SPECC1: variants seen among roughly 807,000 people sequenced by gnomAD.
SPECC1 encodes the protein sperm antigen with calponin homology and coiled-coil domains 1.
Under a neutral mutation model 104.1 loss-of-function variants are expected in SPECC1, and 62 were observed. The ratio of observed to expected loss-of-function variants is 0.60; its 90% CI spans 0.49 to 0.74. SPECC1 has a LOEUF of 0.74. SPECC1 is among the 30% of genes least tolerant of loss of function. The pLI is 0.00. For missense variants in SPECC1, 1,306 were observed against 1,310.5 expected, an observed-to-expected ratio of 1.00 and a Z score of 0.05; for synonymous variants, 513 against 501.6, an observed-to-expected ratio of 1.02 and a Z score of -0.30.
At chr17:20,103,389 AGGT>A (rs2048033213) in intron 2 of SPECC1, among the ~76,000 whole-genome samples, 2 of 152,124 alleles carry the variant, frequency 1.3e-5, no homozygotes, top group Non-Finnish European at 2.9e-5. Flanking sequence ...CCTCCTCTTT[AGGT>A]GGTTAACTCT....
At chr17:20,176,338 A>C (rs746346608) in intron 3 of SPECC1, among the ~76,000 whole-genome samples, 2 of 152,078 alleles carry the variant, frequency 1.3e-5, no homozygotes, top group Non-Finnish European at 2.9e-5. Context: ...CCTACTTTTC[A>C]GTCATTTTAC....
chr17:20,197,407 C>CAGAT (rs752041444), intron 3 of SPECC1, among the ~76,000 whole-genome samples: 17 of 152,130 alleles, frequency 1.1e-4, no homozygotes, highest in Non-Finnish European at 2.4e-4. Context: ...CAAGGTCACA[C>CAGAT]AGATATTAAA....
intron 3 of SPECC1, among the ~76,000 whole-genome samples, chr17:20,189,171 A>C (rs933076529): frequency 2.6e-5 from 4 of 152,184 alleles, no homozygotes; most frequent in African/African-American, 9.7e-5. Context: ...CTTTTAGTTC[A>C]CTAAAGCCTG....
intron 2 of SPECC1, among the ~76,000 whole-genome samples, chr17:20,106,209 A>G: frequency 6.6e-6 from 1 of 152,322 alleles, no homozygotes; most frequent in South Asian, 2.1e-4. Context: ...TTTGGGGACC[A>G]GGGAGGCACC....
intron 12 of SPECC1, among the ~76,000 whole-genome samples, chr17:20,286,878 G>A (rs189204370): frequency 1.3e-5 from 2 of 152,308 alleles, no homozygotes; most frequent in East Asian, 1.9e-4. Flanking sequence ...TCCCATCGCT[G>A]CTGCCTGCCT....
At chr17:20,154,696 A>G (rs1567881921) in intron 3 of SPECC1, among the ~76,000 whole-genome samples, 1 of 152,224 alleles carries the variant, frequency 6.6e-6, no homozygotes, top group African/African-American at 2.4e-5. Context: ...CTCTCACTGT[A>G]TGTGCAGAAT....
At chr17:20,192,183 G>A (rs761585305) in intron 3 of SPECC1, among the ~76,000 whole-genome samples, 2 of 152,054 alleles carry the variant, frequency 1.3e-5, no homozygotes, top group South Asian at 2.1e-4. Context: ...GCCCAGACTG[G>A]TCTTGAACCC....
intron 1 of SPECC1, chr17:20,056,492 C>T (rs1597625114): frequency 4.7e-6 from 1 of 211,152 alleles, no homozygotes; most frequent in South Asian, 9.1e-5. Context: ...AGATCCAGGG[C>T]TTTTTCGATT....
rs374122057 is a variant in SPECC1 at position 20,236,859 on chromosome 17, G to A, written c.2351+4454G>A. 5.6e-6 allele frequency: 9 copies of A among 1,613,678 alleles called. No homozygotes were observed. The African/African-American group carries it at 1.1e-4, about 19-fold the overall frequency. On this transcript the variant is annotated intron_variant, in intron 7 of 14. Transcript: ENST00000395527. ...TCTCCCTCCCGTTTCTATTTTCACA[G>A]CTCCCTGGGCTCTGTCAGCTAGCAG... is the stretch of plus-strand genomic sequence containing the variant.
At chr17:20,081,414 C>T (rs1301027822) in intron 1 of SPECC1, among the ~76,000 whole-genome samples, 4 of 151,946 alleles carry the variant, frequency 2.6e-5, no homozygotes, top group African/African-American at 7.3e-5. Context: ...CCCAGTGCAG[C>T]AGAGCACAGG....
intron 6 of SPECC1, 26 bp from the exon 7 acceptor site, chr17:20,232,174 A>T: frequency 6.2e-7 from 1 of 1,613,170 alleles, no homozygotes; most frequent in Non-Finnish European, 8.5e-7. Flanking sequence ...GGCGTCTGAC[A>T]TAAGGATGGG....
intron 3 of SPECC1, among the ~76,000 whole-genome samples, chr17:20,123,151 G>A (rs1489415046): frequency 3.3e-5 from 5 of 152,140 alleles, no homozygotes; most frequent in African/African-American, 7.2e-5. Flanking sequence ...GACAGCAGTC[G>A]GCTAGAAGGA....
intron 4 of SPECC1, among the ~76,000 whole-genome samples, chr17:20,210,636 C>T (rs186046598): frequency 3.9e-5 from 6 of 152,326 alleles, no homozygotes; most frequent in Admixed American, 3.9e-4. Flanking sequence ...TAGGAAGAAA[C>T]AAGGTGGGGG....
intron 3 of SPECC1, among the ~76,000 whole-genome samples, chr17:20,172,839 G>A (rs1364624183): frequency 1.3e-5 from 2 of 152,210 alleles, no homozygotes; most frequent in African/African-American, 4.8e-5. Flanking sequence ...AACTGATACA[G>A]GAGAGATCTT....
chr17:20,072,182 A>C (rs1037366335), intron 1 of SPECC1, among the ~76,000 whole-genome samples: 7 of 152,188 alleles, frequency 4.6e-5, no homozygotes, highest in Non-Finnish European at 8.8e-5. Flanking sequence ...CCTGTGTTTG[A>C]ATGATACCAG....
intron 7 of SPECC1, chr17:20,237,912 T>C: frequency 2.2e-6 from 1 of 457,632 alleles, no homozygotes; most frequent in Non-Finnish European, 3.0e-6. Context: ...CTGGCTAATT[T>C]TGTATTTTTA....
chr17:20,055,341 G>T (rs28622601), intron 1 of SPECC1, among the ~76,000 whole-genome samples: 1 of 151,850 alleles, frequency 6.6e-6, no homozygotes, highest in African/African-American at 2.4e-5. Flanking sequence ...ATCCACTGAT[G>T]GGCATTTAGT....
chr17:20,067,132 T>G (rs1186459512), intron 1 of SPECC1: 10 of 151,966 alleles, frequency 6.6e-5, no homozygotes, highest in Non-Finnish European at 2.9e-5. Flanking sequence ...ATAAAGAAAA[T>G]TAAAATTTCC....
At chr17:20,283,649 C>T (rs1419540584) in intron 12 of SPECC1, among the ~76,000 whole-genome samples, 1 of 152,068 alleles carries the variant, frequency 6.6e-6, no homozygotes, top group Non-Finnish European at 1.5e-5. Context: ...TGTAGTGGCA[C>T]GATCTTGGCT....
Sources: gnomAD v4.1 joint callset for allele counts (sites outside exome capture counted in the v4.1 genomes callset) on GRCh38, gnomAD v4.1.1 for gene constraint, MANE v1.5 for transcripts, NCBI Gene and HGNC (gene_info 2026-07-23, HGNC 2026-07-21) for gene names.